Variants in HS6ST1 observed in about 807,000 individuals in gnomAD.
The protein encoded by HS6ST1 is heparan sulfate 6-O-sulfotransferase 1.
A neutral mutation model predicts 25.2 loss-of-function variants in HS6ST1; 3 were observed. That is an observed-to-expected ratio of 0.12 (90% CI 0.05 to 0.31). The LOEUF is 0.31. HS6ST1 is among the 10% of genes least tolerant of loss of function. The pLI is 1.00. For missense variants in HS6ST1, 310 were observed against 609.6 expected, an observed-to-expected ratio of 0.51 and a Z score of 5.18; for synonymous variants, 204 against 275.1, an observed-to-expected ratio of 0.74 and a Z score of 2.56.
At chr2:128,282,585 C>T (rs1693804578) in intron 1 of HS6ST1, among the ~76,000 whole-genome samples, 3 of 152,222 alleles carry the variant, frequency 2.0e-5, no homozygotes, top group South Asian at 2.1e-4. Context: ...GCAGAGACCC[C>T]GAGGCAGGAG....
At chr2:128,269,432 A>G (rs1270511349) in intron 1 of HS6ST1, among the ~76,000 whole-genome samples, 1 of 152,150 alleles carries the variant, frequency 6.6e-6, no homozygotes, top group Non-Finnish European at 1.5e-5. Flanking sequence ...TTGTCCCCCA[A>G]GACACCAACG....
At chr2:128,299,939 G>C (rs527325458) in intron 1 of HS6ST1, among the ~76,000 whole-genome samples, 6 of 152,264 alleles carry the variant, frequency 3.9e-5, no homozygotes, top group African/African-American at 1.4e-4. Flanking sequence ...TGGCTCTGGT[G>C]GGCAGAGGGC....
intron 1 of HS6ST1, among the ~76,000 whole-genome samples, chr2:128,276,000 C>A (rs1693689102): frequency 6.6e-6 from 1 of 152,166 alleles, no homozygotes. Flanking sequence ...ACTCACAACA[C>A]CATGGGAAAG....
intron 1 of HS6ST1, among the ~76,000 whole-genome samples, chr2:128,304,603 C>T (rs1694180962): frequency 4.7e-5 from 2 of 42,498 alleles, no homozygotes; most frequent in South Asian, 5.5e-4. Flanking sequence ...CCGTGGGTCC[C>T]CTCTCGGGAG....
At chr2:128,286,756 G>C (rs147076243) in intron 1 of HS6ST1, among the ~76,000 whole-genome samples, 1 of 152,256 alleles carries the variant, frequency 6.6e-6, no homozygotes, top group East Asian at 1.9e-4. Context: ...GTCTGCAAGC[G>C]GGTGAAAATC....
chr2:128,283,319 T>C (rs1277617290), intron 1 of HS6ST1, among the ~76,000 whole-genome samples: 1 of 152,168 alleles, frequency 6.6e-6, no homozygotes, highest in Non-Finnish European at 1.5e-5. Context: ...GGGGCCCTGG[T>C]AGGTTTCCAG....
Position 128,284,242 on chromosome 2 carries a change from C to T in HS6ST1, c.528-15372G>A, listed in dbSNP as rs1366638853. ...CCAGCTTAGGCATCTCGGCTCCACC[C>T]TCCGATGGCCCGTGCCCAGGTTGCC... On this transcript the variant is annotated intron_variant, in intron 1 of 1. Coordinates refer to ENST00000259241, the MANE Select transcript of HS6ST1 (RefSeq NM_004807.3). 2.0e-5 allele frequency among the ~76,000 whole-genome samples: 3 copies of T among 152,198 alleles called. No homozygotes were observed. In the East Asian group the frequency reaches 5.8e-4, roughly 29 times the overall value.
chr2:128,306,478 A>G (rs1694211982), intron 1 of HS6ST1, among the ~76,000 whole-genome samples: 1 of 152,226 alleles, frequency 6.6e-6, no homozygotes, highest in Non-Finnish European at 1.5e-5. Flanking sequence ...CACGGTCACC[A>G]ATGCTCTAGA....
At chr2:128,305,741 G>C (rs1344569768) in intron 1 of HS6ST1, among the ~76,000 whole-genome samples, 2 of 152,248 alleles carry the variant, frequency 1.3e-5, no homozygotes, top group African/African-American at 2.4e-5. Context: ...TCTCAGGGGA[G>C]CTGAAGCATC....
intron 1 of HS6ST1, among the ~76,000 whole-genome samples, chr2:128,310,307 C>T (rs867975350): frequency 2.3e-4 from 35 of 152,328 alleles, no homozygotes; most frequent in African/African-American, 5.1e-4. Flanking sequence ...GGCATCCCCC[C>T]GCAGTGAGCT....
At chr2:128,291,246 C>T (rs1693947717) in intron 1 of HS6ST1, among the ~76,000 whole-genome samples, 1 of 152,266 alleles carries the variant, frequency 6.6e-6, no homozygotes, top group African/African-American at 2.4e-5. Context: ...CATTACTAGG[C>T]TGGGGGCTTC....
At chr2:128,298,018 T>C (rs1694065606) in intron 1 of HS6ST1, among the ~76,000 whole-genome samples, 1 of 150,114 alleles carries the variant, frequency 6.7e-6, no homozygotes, top group Non-Finnish European at 1.5e-5. Context: ...TGTGCGACAT[T>C]TGAGTAGACA....
At chr2:128,269,350 G>T (rs1693575109) in intron 1 of HS6ST1, among the ~76,000 whole-genome samples, 1 of 152,138 alleles carries the variant, frequency 6.6e-6, no homozygotes, top group South Asian at 2.1e-4. Context: ...TTGGGGGGGG[G>T]GTGCCCAGCG....
In HS6ST1 at chr2:128,311,576, C is replaced by T. The variant is rs576660960; in HGVS notation, c.527+6461G>A. Reference sequence around the variant, plus strand: ...CTGCTGCCTCCGTGATGCTTGAGGTCTGACCTAGAAACACCCCACAGTCTT... The same window carrying T: ...CTGCTGCCTCCGTGATGCTTGAGGTTTGACCTAGAAACACCCCACAGTCTT... On this transcript the variant is annotated intron_variant, in intron 1 of 1. Transcript: ENST00000259241. 3.7e-4 allele frequency among the ~76,000 whole-genome samples: 57 copies of T among 152,364 alleles called. 1 individual carries two copies. The Middle Eastern group carries it at 0.017, about 45-fold the overall frequency.
At chr2:128,279,848 C>G (rs1273117427) in intron 1 of HS6ST1, among the ~76,000 whole-genome samples, 1 of 152,164 alleles carries the variant, frequency 6.6e-6, no homozygotes, top group Non-Finnish European at 1.5e-5. Context: ...GAGAGGCAAC[C>G]TGGGAGAACA....
At chr2:128,298,875 G>GCCAAGT (rs1419947698) in intron 1 of HS6ST1, among the ~76,000 whole-genome samples, 2 of 152,252 alleles carry the variant, frequency 1.3e-5, no homozygotes, top group Non-Finnish European at 2.9e-5. Context: ...GTCCTCAAGA[G>GCCAAGT]CCAAGTCCCA....
Position 128,268,298 on chromosome 2 carries a change from C to A in HS6ST1, c.1100G>T (p.Arg367Leu). The A allele has an allele frequency of 1.9e-6, 3 of 1,613,074 alleles. No homozygotes were observed. Among genetic ancestry groups the A allele is most frequent in the South Asian group, 2.2e-5 (2 of 91,070 alleles). Residue 367 changes from arginine (R) to leucine (L), a missense_variant, in exon 2 of 2, where the codon CGC becomes CTC. This residue lies in a region of HS6ST1 where 140 missense variants were observed against 176.5 expected (regional missense o/e 0.79). Transcript: ENST00000259241. ...QRYQYKRQLE[R>L]REQRLRSREE... Reference sequence around the variant, plus strand: ...GCGGCTCCTCAGGCGCTGCTCCCTGCGCTCCAGCTGCCGCTTGTACTGGTA... The same window carrying A: ...GCGGCTCCTCAGGCGCTGCTCCCTGAGCTCCAGCTGCCGCTTGTACTGGTA...
intron 1 of HS6ST1, among the ~76,000 whole-genome samples, chr2:128,300,821 CGT>C (rs1244843400): frequency 5.3e-5 from 8 of 152,186 alleles, no homozygotes; most frequent in Admixed American, 1.3e-4. Flanking sequence ...CTGCTCTGGG[CGT>C]GTCTCACCCT....
intron 1 of HS6ST1, among the ~76,000 whole-genome samples, chr2:128,310,965 G>A (rs1172822579): frequency 6.6e-6 from 1 of 151,482 alleles, no homozygotes; most frequent in East Asian, 2.0e-4. Flanking sequence ...TGATGTGTCT[G>A]AAACCCAACT....
Sources: gnomAD v4.1 joint callset for allele counts (sites outside exome capture counted in the v4.1 genomes callset) on GRCh38, gnomAD v4.1.1 for gene constraint, gnomAD v4.1.1 regional missense constraint, MANE v1.5 for transcripts, NCBI Gene and HGNC (gene_info 2026-07-23, HGNC 2026-07-21) for gene names.